EPHB1: variants seen among roughly 807,000 people sequenced by gnomAD.
The protein encoded by EPHB1 is ephrin type-B receptor 1.
EPHB1 carries 30 observed loss-of-function variants against 94.4 expected under a neutral mutation model. That is an observed-to-expected ratio of 0.32 (90% confidence interval 0.24 to 0.43). The LOEUF (loss-of-function observed/expected upper bound fraction) is 0.43. Among genes scored for constraint, EPHB1 ranks in the 20% least tolerant of loss-of-function variants. The pLI is 1.00. For missense variants in EPHB1, 1,055 were observed against 1,308.3 expected (o/e 0.81, Z 2.99); for synonymous variants, 522 against 489.1 (o/e 1.07, Z -0.89).
At chr3:135,234,310 C>G (rs995558179) in intron 12 of EPHB1, among the ~76,000 whole-genome samples, 2 of 152,232 alleles carry the variant, frequency 1.3e-5, no homozygotes, top group East Asian at 1.9e-4. Context: ...CACCTTTGCT[C>G]TAGTTCCCAA....
intron 3 of EPHB1, among the ~76,000 whole-genome samples, chr3:135,031,812 C>T (rs1015064045): frequency 4.6e-5 from 7 of 152,140 alleles, no homozygotes; most frequent in African/African-American, 1.2e-4. Context: ...TTTGTATCCT[C>T]ACTTCTCTGA....
intron 5 of EPHB1, among the ~76,000 whole-genome samples, chr3:135,142,503 G>A (rs1940861459): frequency 6.6e-6 from 1 of 152,164 alleles, no homozygotes; most frequent in Non-Finnish European, 1.5e-5. Context: ...TTGCAAAGAT[G>A]GAGCCTAAGA....
intron 1 of EPHB1, among the ~76,000 whole-genome samples, chr3:134,863,183 A>G (rs1560270531): frequency 6.6e-6 from 1 of 152,246 alleles, no homozygotes. Flanking sequence ...AATTACTGGA[A>G]GGAATAAAGA....
intron 1 of EPHB1, among the ~76,000 whole-genome samples, chr3:134,856,304 C>A (rs1453149031): frequency 6.6e-6 from 1 of 152,098 alleles, no homozygotes; most frequent in Non-Finnish European, 1.5e-5. Context: ...ATAGGCACCC[C>A]ATGGCCCAAT....
At chr3:135,040,872 C>T (rs1327969378) in intron 3 of EPHB1, among the ~76,000 whole-genome samples, 6 of 152,130 alleles carry the variant, frequency 3.9e-5, no homozygotes, top group African/African-American at 9.7e-5. Context: ...AGGAGAAATC[C>T]GCCTGAATCC....
At chr3:135,234,710 CCTT>C (rs1456681744) in intron 12 of EPHB1, among the ~76,000 whole-genome samples, 4 of 152,156 alleles carry the variant, frequency 2.6e-5, no homozygotes, top group Non-Finnish European at 5.9e-5. Context: ...GCAAACTTGT[CCTT>C]CTTCACGTGG....
intron 9 of EPHB1, among the ~76,000 whole-genome samples, chr3:135,173,057 C>T (rs1221167615): frequency 1.4e-5 from 2 of 141,638 alleles, no homozygotes; most frequent in African/African-American, 2.7e-5. Context: ...TTTTTTGAGA[C>T]GGAGTCTCGC....
Position 135,054,036 on chromosome 3 carries a change from T to TAC in EPHB1, c.806-52411_806-52410insCA, listed in dbSNP as rs1302391868. Among the ~76,000 whole-genome samples, 624 of 105,706 alleles carry TAC rather than the reference T, an allele frequency of 5.9e-3. 3 individuals are homozygous for TAC. The highest frequency in any genetic ancestry group is 0.01 in the Non-Finnish European group (496 of 49,112). 69.3% of individuals were successfully genotyped at this position (105,706 alleles called of 152,430 possible). A position where few individuals can be genotyped will look rare whatever the true frequency, so the allele number is the denominator to read the frequency against. ...ATATGTGTGTCTGCATATATATATA[T>TAC]ATATACACACACACACACACACACA... is the stretch of plus-strand genomic sequence containing the variant. On this transcript the variant is annotated intron_variant, in intron 3 of 15. Coordinates refer to ENST00000398015, the MANE Select transcript of EPHB1 (RefSeq NM_004441.5).
In EPHB1 at chr3:134,879,359, G is replaced by A. The variant is rs144518911; in HGVS notation, c.59-46457G>A. 8.0e-4 allele frequency among the ~76,000 whole-genome samples: 122 copies of A among 152,226 alleles called. 2 individuals are homozygous for A. The highest frequency in any genetic ancestry group is 7.5e-3 in the South Asian group (36 of 4,814). On this transcript the variant is annotated intron_variant, in intron 1 of 15. Coordinates refer to ENST00000398015, the MANE Select transcript of EPHB1 (RefSeq NM_004441.5). ...TCAATAAATGAAAAGAATGAAGGCC[G>A]GGCATGGTGGCTCATGCTTGTAATC...
intron 1 of EPHB1, among the ~76,000 whole-genome samples, chr3:134,923,189 C>T (rs778786167): frequency 5.9e-5 from 9 of 152,140 alleles, no homozygotes; most frequent in South Asian, 2.1e-4. Context: ...GCATGGGGCA[C>T]GACTCAATCC....
At chr3:134,956,574 G>A (rs916134987) in intron 3 of EPHB1, among the ~76,000 whole-genome samples, 1 of 152,132 alleles carries the variant, frequency 6.6e-6, no homozygotes, top group Admixed American at 6.5e-5. Context: ...GGATGAAAGA[G>A]GAAGGGGGTA....
chr3:135,221,378 A>C (rs1943276870), intron 12 of EPHB1, among the ~76,000 whole-genome samples: 1 of 152,184 alleles, frequency 6.6e-6, no homozygotes, highest in African/African-American at 2.4e-5. Context: ...AAACCTCATT[A>C]TTCATTTTTG....
intron 13 of EPHB1, 75 bp from the exon 14 acceptor site, chr3:135,248,241 A>G: frequency 7.1e-7 from 1 of 1,401,670 alleles, no homozygotes; most frequent in Non-Finnish European, 9.6e-7. Context: ...GAGGCTCCAT[A>G]TAAAGGGGAT....
At chr3:135,001,408 C>T (rs564112257) in intron 3 of EPHB1, among the ~76,000 whole-genome samples, 1 of 152,286 alleles carries the variant, frequency 6.6e-6, no homozygotes, top group South Asian at 2.1e-4. Flanking sequence ...CTCCATCTCC[C>T]AGGGCTGTTC....
chr3:135,083,627 T>C (rs1025250234), intron 3 of EPHB1, among the ~76,000 whole-genome samples: 4 of 151,916 alleles, frequency 2.6e-5, no homozygotes, highest in African/African-American at 4.8e-5. Flanking sequence ...GGGATTAATT[T>C]CTGTCACCAG....
intron 3 of EPHB1, among the ~76,000 whole-genome samples, chr3:135,063,161 G>C (rs149805146): frequency 0.039 from 5,954 of 151,968 alleles, 165 homozygotes; most frequent in East Asian, 0.14. Flanking sequence ...CTTGCTTTGG[G>C]TATGTGGGCT....
intron 7 of EPHB1, among the ~76,000 whole-genome samples, 156 bp from the exon 8 acceptor site, chr3:135,165,812 A>G (rs1014317345): frequency 6.6e-6 from 1 of 152,192 alleles, no homozygotes; most frequent in African/African-American, 2.4e-5. Flanking sequence ...TAACTTAAAA[A>G]TTGCTGTTTG....
At chr3:135,252,224 T>A (rs1455160254) in intron 15 of EPHB1, among the ~76,000 whole-genome samples, 5 of 151,576 alleles carry the variant, frequency 3.3e-5, no homozygotes, top group Non-Finnish European at 7.4e-5. Flanking sequence ...ATTTATTTTT[T>A]ATTATTATAC....
intron 3 of EPHB1, among the ~76,000 whole-genome samples, chr3:134,964,698 A>C (rs1439214522): frequency 1.3e-5 from 2 of 151,924 alleles, no homozygotes; most frequent in African/African-American, 4.8e-5. Context: ...TGCTTTTCTC[A>C]CTGGCTCTGT....
Sources: gnomAD v4.1 joint callset for allele counts (sites outside exome capture counted in the v4.1 genomes callset) on GRCh38, gnomAD v4.1.1 for gene constraint, MANE v1.5 for transcripts, NCBI Gene and HGNC (gene_info 2026-07-23, HGNC 2026-07-21) for gene names.